AMOTL2: variants seen among roughly 807,000 people sequenced by gnomAD.
AMOTL2 encodes angiomotin-like protein 2.
Under a neutral mutation model 78.4 loss-of-function variants are expected in AMOTL2, and 33 were observed. The ratio of observed to expected loss-of-function variants is 0.42; its 90% confidence interval spans 0.32 to 0.56. AMOTL2 has a LOEUF of 0.56. Among genes scored for constraint, AMOTL2 ranks in the 20% least tolerant of loss-of-function variants. AMOTL2 has a pLI of 0.12. For missense variants in AMOTL2, 983 were observed against 1,030.1 expected (o/e 0.95, Z 0.63); for synonymous variants, 422 against 428.8 (o/e 0.98, Z 0.20).
Position 134,360,358 on chromosome 3 carries a change from C to G in AMOTL2, c.1631G>C (p.Ser544Thr). 4 of 1,614,100 alleles carry G rather than the reference C, an allele frequency of 2.5e-6. No homozygotes were observed. The highest frequency in any genetic ancestry group is 3.4e-6 in the Non-Finnish European group (4 of 1,180,042). The change falls in exon 7 of 10, where the codon AGC becomes ACC. Residue 544 changes from serine (S) to threonine (T), a missense_variant. Coordinates refer to ENST00000249883, the MANE Select transcript of AMOTL2 (RefSeq NM_016201.4). ...SSGSGGSPEL[S>T]ALRLSEQLRE... ...CAGTTGTTCTGACAGTCGCAGGGCGCTGAGCTCTGGAGACCCACCACTGCC... is the reference window on the plus strand; with the variant it reads ...CAGTTGTTCTGACAGTCGCAGGGCGGTGAGCTCTGGAGACCCACCACTGCC...
Position 134,370,727 on chromosome 3 carries a change from C to T in AMOTL2, c.707G>A (p.Ser236Asn), listed in dbSNP as rs754903758. ...GACTTCAGCATGCTGGAAGTGCGGGCTGCCGCGGGCACGGTACCGTGGGTC... is the reference window on the plus strand; with the variant it reads ...GACTTCAGCATGCTGGAAGTGCGGGTTGCCGCGGGCACGGTACCGTGGGTC... ...VTDPRYRARG[S>N]PHFQHAEVRI... Residue 236 changes from serine (S) to asparagine (N), a missense_variant, in exon 2 of 10, where the codon AGC becomes AAC. Coordinates refer to ENST00000249883, the MANE Select transcript of AMOTL2 (RefSeq NM_016201.4). 6 of 1,510,640 alleles carry T rather than the reference C, an allele frequency of 4.0e-6. No homozygotes were observed. Among genetic ancestry groups the T allele is most frequent in the Middle Eastern group, 1.8e-4 (1 of 5,590 alleles). The allele number at this position is 1,510,640 out of a possible 1,614,324, so 93.6% of individuals were successfully genotyped here. A position where few individuals can be genotyped will look rare whatever the true frequency, so the allele number is the denominator to read the frequency against.
At chr3:134,371,618 G>A in intron 1 of AMOTL2, 124 bp from the exon 2 acceptor site, 1 of 1,420,306 alleles carries the variant, frequency 7.0e-7, no homozygotes, top group South Asian at 1.5e-5. Context: ...AGCAGGGGTG[G>A]GGCGGTTCAC....
At chr3:134,358,461 A>G in intron 9 of AMOTL2, 79 bp downstream of exon 9, 1 of 1,501,866 alleles carries the variant, frequency 6.7e-7, no homozygotes, top group Non-Finnish European at 8.9e-7. Flanking sequence ...GTCTGGGAAG[A>G]AAAGGCCTTG....
At chr3:134,359,754 A>G (rs1002356328) in intron 7 of AMOTL2, among the ~76,000 whole-genome samples, 4 of 152,168 alleles carry the variant, frequency 2.6e-5, no homozygotes, top group Non-Finnish European at 4.4e-5. Flanking sequence ...TTCTCACACC[A>G]GCAAAGGCAG....
At chr3:134,362,887 G>A (rs954209158) in intron 5 of AMOTL2, among the ~76,000 whole-genome samples, 2 of 152,056 alleles carry the variant, frequency 1.3e-5, no homozygotes, top group South Asian at 2.1e-4. Context: ...ATGGGCTCCC[G>A]CTAATGAACC....
At chr3:134,363,300 G>C (rs183145384) in intron 5 of AMOTL2, among the ~76,000 whole-genome samples, 38 of 96,112 alleles carry the variant, frequency 4.0e-4, no homozygotes, top group Admixed American at 1.3e-3. Context: ...TGGCATGGAG[G>C]AAAATACGAG....
chr3:134,365,427 C>G (rs1559799547), intron 5 of AMOTL2, among the ~76,000 whole-genome samples: 1 of 152,182 alleles, frequency 6.6e-6, no homozygotes, highest in Admixed American at 6.5e-5. Context: ...ACACTCCCGA[C>G]CTTTCTGTTG....
At chr3:134,365,739 A>G (rs527706889) in intron 5 of AMOTL2, 78 bp downstream of exon 5, 40 of 1,359,484 alleles carry the variant, frequency 2.9e-5, no homozygotes, top group African/African-American at 4.3e-5. Flanking sequence ...GGGAAGGCCA[A>G]TCTTCCTAGT....
chr3:134,371,507 G>A lies in AMOTL2; in HGVS notation c.-61-13C>T. 1 of 1,581,700 alleles carries A rather than the reference G, an allele frequency of 6.3e-7. No individual in the cohort carries two copies. The highest frequency in any genetic ancestry group is 8.6e-7 in the Non-Finnish European group (1 of 1,167,264). On this transcript the variant is annotated splice_polypyrimidine_tract_variant and intron_variant, in intron 1 of 9. Transcript: ENST00000249883. ...GGCCCCAGAGCACCTGGAGTGGGGT[G>A]GGGAGAGAGAGAGAGAAAAGCAATC...
chr3:134,358,663 T>G lies in AMOTL2; in HGVS notation c.2161A>C (p.Lys721Gln), dbSNP rs548908346. 1 of 1,613,794 alleles carries G rather than the reference T, an allele frequency of 6.2e-7. No homozygotes were observed. The highest frequency in any genetic ancestry group is 2.2e-5 in the East Asian group (1 of 44,860). ...GTGCTCCCATCTCTGCTCCCGTGTT[T>G]GGCATGGGCAGCAGGGGGAGCTGTG... The part of the protein sequence containing the change: ...VVTAPPAAHA[K>Q]HGSRDGSTQT... Residue 721 changes from lysine to glutamine, a missense_variant, in exon 9 of 10, where the codon AAA becomes CAA. Coordinates refer to ENST00000249883, the MANE Select transcript of AMOTL2 (RefSeq NM_016201.4).
intron 7 of AMOTL2, 108 bp downstream of exon 7, chr3:134,359,998 G>A: frequency 8.0e-7 from 1 of 1,245,642 alleles, no homozygotes; most frequent in East Asian, 2.6e-5. Flanking sequence ...AGGGACTGCT[G>A]AGCTCTATGG....
chr3:134,360,378 A>G lies in AMOTL2; in HGVS notation c.1611T>C (p.Ser537=). The change falls in exon 7 of 10, where the codon AGT becomes AGC. Residue 537 remains serine, a synonymous_variant. Coordinates refer to ENST00000249883, the MANE Select transcript of AMOTL2 (RefSeq NM_016201.4). ...GGGCGCTGAGCTCTGGAGACCCACC[A>G]CTGCCACTGCTACCACCTGGGGCAC... ...QAGAPGGSSG[S]GGSPELSALR... is the part of the protein sequence containing the mutation. 1 of 1,613,084 alleles carries G rather than the reference A, an allele frequency of 6.2e-7. No homozygotes were observed. The highest frequency in any genetic ancestry group is 8.5e-7 in the Non-Finnish European group (1 of 1,179,484).
chr3:134,355,872 A>G lies in AMOTL2; in HGVS notation c.*1833T>C, dbSNP rs2017056334. On this transcript the variant is annotated 3_prime_UTR_variant, in exon 10 of 10. Transcript: ENST00000249883. ...TGCAAAGTCTCACCTGTGCAAAGAC[A>G]TCACTTTTAATTATTTTTTTTTAAT... 6.6e-6 allele frequency: 1 copy of G among 152,646 alleles called. No homozygotes were observed. Among genetic ancestry groups the G allele is most frequent in the Non-Finnish European group, 1.5e-5 (1 of 68,044 alleles). 9.5% of individuals were successfully genotyped at this position (152,646 alleles called of 1,614,324 possible). A position where few individuals can be genotyped will look rare whatever the true frequency, so the allele number is the denominator to read the frequency against.
intron 2 of AMOTL2, among the ~76,000 whole-genome samples, chr3:134,369,724 G>A (rs2017771145): frequency 6.6e-6 from 1 of 152,214 alleles, no homozygotes; most frequent in African/African-American, 2.4e-5. Flanking sequence ...ACCAGACTTT[G>A]ACCTTGGGCC....
chr3:134,367,302 C>T (rs565973236), intron 3 of AMOTL2, among the ~76,000 whole-genome samples, 195 bp downstream of exon 3: 28 of 152,280 alleles, frequency 1.8e-4, no homozygotes, highest in African/African-American at 6.0e-4. Context: ...GCCGGCCTCT[C>T]GGCTGTTCCC....
Position 134,359,363 on chromosome 3 carries a change from G to A in AMOTL2, c.2024C>T (p.Ala675Val), listed in dbSNP as rs745539705. 6.8e-6 allele frequency: 11 copies of A among 1,614,050 alleles called. No homozygotes were observed. Among genetic ancestry groups the A allele is most frequent in the African/African-American group, 6.7e-5 (5 of 74,934 alleles). The stretch of plus-strand genomic sequence containing the variant: ...TTGCCAGCCCTGGGTTCCTGCTGCC[G>A]CAGCCGCGAAAACAGATGGCACCGA... The part of the protein sequence containing the change: ...AKSVPSVFAA[A>V]AAGTQGWQGL... Residue 675 changes from alanine (A) to valine (V), a missense_variant, in exon 8 of 10, where the codon GCG becomes GTG. Ala to Val is a moderately conservative substitution (Grantham distance 64, BLOSUM62 0). Coordinates refer to ENST00000249883, the MANE Select transcript of AMOTL2 (RefSeq NM_016201.4).
At chr3:134,373,384 T>C (rs1171874091) in intron 1 of AMOTL2, 2 of 836,402 alleles carry the variant, frequency 2.4e-6, no homozygotes, top group African/African-American at 1.9e-5. Flanking sequence ...GTGCCCGGAC[T>C]GGGAGCAAGG....
At chr3:134,374,722 C>T (rs981028076), upstream of AMOTL2, 35 of 985,788 alleles carry the variant, frequency 3.6e-5, no homozygotes, top group Middle Eastern at 5.1e-4. Context: ...GGTGTGTCCG[C>T]CCCTGCCCCA....
In AMOTL2 at chr3:134,371,191, G is replaced by T; in HGVS notation, c.243C>A (p.Gly81=). ...RQEPQGQEHQ[G]GENHLAENTL... is the part of the protein sequence containing the mutation. ...TGTTCTCTGCCAGGTGGTTCTCACC[G>T]CCCTGGTGCTCCTGGCCCTGGGGCT... The change falls in exon 2 of 10, where the codon GGC becomes GGA. Residue 81 remains glycine, a synonymous_variant. Coordinates refer to ENST00000249883, the MANE Select transcript of AMOTL2 (RefSeq NM_016201.4). 6.2e-7 allele frequency: 1 copy of T among 1,613,784 alleles called. No homozygotes were observed. Among genetic ancestry groups the T allele is most frequent in the Non-Finnish European group, 8.5e-7 (1 of 1,179,962 alleles).
Sources: gnomAD v4.1 joint callset for allele counts (sites outside exome capture counted in the v4.1 genomes callset) on GRCh38, gnomAD v4.1.1 for gene constraint, MANE v1.5 for transcripts, NCBI Gene and HGNC (gene_info 2026-07-23, HGNC 2026-07-21) for gene names.